Variants in PALS1 observed in about 807,000 individuals in gnomAD.
PALS1 encodes protein PALS1.
In PALS1, 31 loss-of-function variants were observed where a neutral mutation model predicts 78.9. The observed-to-expected ratio is 0.39, with a 90% CI of 0.30 to 0.53. The LOEUF (loss-of-function observed/expected upper bound fraction) is 0.53. PALS1 is among the 20% of genes least tolerant of loss of function. The probability of loss-of-function intolerance (pLI) is 0.67; values close to 1 mark genes in which losing one functional copy is unlikely to be tolerated. For missense variants in PALS1, 704 were observed against 826.5 expected (o/e 0.85, Z 1.82); for synonymous variants, 276 against 270.9 (o/e 1.02, Z -0.18).
At chr14:67,305,659 A>G (rs1460363699) in intron 8 of PALS1, among the ~76,000 whole-genome samples, 2 of 152,188 alleles carry the variant, frequency 1.3e-5, no homozygotes, top group Non-Finnish European at 2.9e-5. Flanking sequence ...CATTTTTTTC[A>G]TGGATAGAAT....
At chr14:67,273,552 T>C (rs1211024467) in intron 2 of PALS1, among the ~76,000 whole-genome samples, 1 of 152,214 alleles carries the variant, frequency 6.6e-6, no homozygotes, top group African/African-American at 2.4e-5. Context: ...TTCCAAGTCT[T>C]TGCTATTGTG....
At chr14:67,246,564 C>T (rs1887335205) in intron 1 of PALS1, among the ~76,000 whole-genome samples, 1 of 151,710 alleles carries the variant, frequency 6.6e-6, no homozygotes, top group African/African-American at 2.4e-5. Flanking sequence ...TGGTCTTGAG[C>T]AGCTGAGCAC....
At chr14:67,297,856 T>C (rs990178820) in intron 4 of PALS1, among the ~76,000 whole-genome samples, 2 of 152,208 alleles carry the variant, frequency 1.3e-5, no homozygotes, top group African/African-American at 4.8e-5. Flanking sequence ...TACAATTCTA[T>C]CTTCATTGAG....
intron 14 of PALS1, among the ~76,000 whole-genome samples, chr14:67,328,152 C>A (rs10138035): frequency 2.6e-5 from 4 of 151,992 alleles, no homozygotes; most frequent in African/African-American, 7.3e-5. Flanking sequence ...CTGTTGTTTC[C>A]GACTTTTTAA....
chr14:67,332,703 T>C, intron 14 of PALS1, 77 bp from the exon 15 acceptor site: 4 of 1,437,030 alleles, frequency 2.8e-6, no homozygotes, highest in Non-Finnish European at 3.8e-6. Flanking sequence ...CTCCTTGTTC[T>C]TTGGCCATCT....
At chr14:67,295,882 T>C (rs1450284196) in intron 4 of PALS1, among the ~76,000 whole-genome samples, 1 of 152,028 alleles carries the variant, frequency 6.6e-6, no homozygotes, top group Non-Finnish European at 1.5e-5. Flanking sequence ...GAAATGAAAA[T>C]GTGTCCACAG....
At chr14:67,318,372 C>T (rs1035548211) in intron 11 of PALS1, among the ~76,000 whole-genome samples, 1 of 152,072 alleles carries the variant, frequency 6.6e-6, no homozygotes, top group Non-Finnish European at 1.5e-5. Context: ...GATTATGTAA[C>T]TAAAAAGATT....
intron 4 of PALS1, among the ~76,000 whole-genome samples, chr14:67,299,789 G>A (rs564379466): frequency 8.8e-4 from 134 of 152,232 alleles, no homozygotes; most frequent in Middle Eastern, 3.4e-3. Context: ...CTTAAAAGTG[G>A]GAATAGGGAG....
chr14:67,267,823 A>G (rs1368965645), intron 1 of PALS1, among the ~76,000 whole-genome samples: 1 of 152,102 alleles, frequency 6.6e-6, no homozygotes, highest in Non-Finnish European at 1.5e-5. Context: ...ATTTTCTAGA[A>G]ATTTTGCACA....
At chr14:67,247,025 A>T (rs555865781) in intron 1 of PALS1, among the ~76,000 whole-genome samples, 1 of 152,264 alleles carries the variant, frequency 6.6e-6, no homozygotes, top group South Asian at 2.1e-4. Flanking sequence ...AATTGTTATG[A>T]CTATTTTTAG....
intron 1 of PALS1, among the ~76,000 whole-genome samples, chr14:67,246,566 G>C (rs2083990538): frequency 6.6e-6 from 1 of 151,706 alleles, no homozygotes; most frequent in Non-Finnish European, 1.5e-5. Context: ...GTCTTGAGCA[G>C]CTGAGCACAA....
chr14:67,310,292 C>T (rs1217774318), intron 8 of PALS1, among the ~76,000 whole-genome samples: 2 of 152,020 alleles, frequency 1.3e-5, no homozygotes, highest in African/African-American at 4.8e-5. Context: ...CTTTAGGGCA[C>T]TTTGCATTTA....
chr14:67,297,550 A>G (rs2084876091), intron 4 of PALS1, among the ~76,000 whole-genome samples: 2 of 152,212 alleles, frequency 1.3e-5, no homozygotes, highest in East Asian at 1.9e-4. Flanking sequence ...GATTTATATA[A>G]ACAGGCTTCT....
At position 67,335,183 on chromosome 14, in the gene PALS1, GTAGA is replaced by G. The variant is rs1227991907; in HGVS notation, c.*2232_*2235del. 1.3e-5 allele frequency: 2 copies of G among 152,218 alleles called. No homozygotes were observed. The highest frequency in any genetic ancestry group is 4.8e-5 in the African/African-American group (2 of 41,460). The allele number at this position is 152,218 out of a possible 1,614,324, so 9.4% of individuals were successfully genotyped here. A position where few individuals can be genotyped will look rare whatever the true frequency, so the allele number is the denominator to read the frequency against. On this transcript the variant is annotated 3_prime_UTR_variant, in exon 15 of 15. Transcript: ENST00000261681. ...ATTCTCCCCTTCCTCATCAGCAATG[GTAGA>G]TAGAAATGTCCTAAACTTTTCTAAA...
rs191176634 is a variant in PALS1 at position 67,281,297 on chromosome 14, T to C, written c.367+1760T>C. 2.0e-5 allele frequency among the ~76,000 whole-genome samples: 3 copies of C among 152,328 alleles called. No individual in the cohort carries two copies. In the East Asian group the frequency reaches 5.8e-4, roughly 29 times the overall value. On this transcript the variant is annotated intron_variant, in intron 3 of 14. Coordinates refer to ENST00000261681, the MANE Select transcript of PALS1 (RefSeq NM_022474.4). Reference sequence around the variant, plus strand: ...TCATATGTACATGCTTTTCTGTGTTTTAAGAAATCATAGATATGTGTTCAG... The same window carrying C: ...TCATATGTACATGCTTTTCTGTGTTCTAAGAAATCATAGATATGTGTTCAG...
intron 1 of PALS1, among the ~76,000 whole-genome samples, chr14:67,257,608 A>T (rs77637926): frequency 6.6e-6 from 1 of 152,150 alleles, no homozygotes; most frequent in African/African-American, 2.4e-5. Context: ...TAAAAAAAAA[A>T]GAAATGGCAT....
At chr14:67,319,834 T>C (rs2085235718) in intron 11 of PALS1, among the ~76,000 whole-genome samples, 1 of 152,228 alleles carries the variant, frequency 6.6e-6, no homozygotes, top group Non-Finnish European at 1.5e-5. Flanking sequence ...ATTCAGCGTA[T>C]ACATTATGTC....
At chr14:67,285,913 A>G (rs971024963) in intron 3 of PALS1, among the ~76,000 whole-genome samples, 2 of 152,172 alleles carry the variant, frequency 1.3e-5, no homozygotes, top group Non-Finnish European at 2.9e-5. Context: ...GATTAGTTGT[A>G]TCCTAAAGCC....
At position 67,248,771 on chromosome 14, in the gene PALS1, A is replaced by G. The variant is rs140410335; in HGVS notation, c.-237+7238A>G. ...TTTTCCAATAAAACTTTACTTATAAAAATAAGGTGTGCCTGATTTGACCTC... is the reference window on the plus strand; with the variant it reads ...TTTTCCAATAAAACTTTACTTATAAGAATAAGGTGTGCCTGATTTGACCTC... On this transcript the variant is annotated intron_variant, in intron 1 of 14. Coordinates refer to ENST00000261681, the MANE Select transcript of PALS1 (RefSeq NM_022474.4). 6.9e-3 allele frequency among the ~76,000 whole-genome samples: 1,046 copies of G among 152,292 alleles called. 18 individuals carry two copies. Among genetic ancestry groups the G allele is most frequent in the African/African-American group, 0.024 (1,009 of 41,538 alleles).
Sources: allele counts gnomAD v4.1 joint callset (sites outside exome capture counted in the v4.1 genomes callset), GRCh38; gene constraint gnomAD v4.1.1; transcripts MANE v1.5; gene names NCBI Gene and HGNC (gene_info 2026-07-23, HGNC 2026-07-21).